Variants in FAF1 observed in about 807,000 individuals in gnomAD.
The protein encoded by FAF1 is FAS-associated factor 1.
A neutral mutation model predicts 92.5 loss-of-function variants in FAF1; 25 were observed. That is an observed-to-expected ratio of 0.27 (90% CI 0.20 to 0.38). The LOEUF (loss-of-function observed/expected upper bound fraction) is 0.38. FAF1 is among the 10% of genes least tolerant of loss of function. FAF1 has a pLI of 1.00. For synonymous variants in FAF1, 234 were observed against 273.2 expected, an observed-to-expected ratio of 0.86 and a Z score of 1.42; for missense variants, 636 against 793.3, an observed-to-expected ratio of 0.80 and a Z score of 2.38.
At chr1:50,901,558 GA>G (rs200883496) in intron 1 of FAF1, among the ~76,000 whole-genome samples, 2 of 146,934 alleles carry the variant, frequency 1.4e-5, no homozygotes, top group East Asian at 2.0e-4. Flanking sequence ...AATTTAAAAA[GA>G]AAAAAAAAAC....
At chr1:50,848,014 T>C (rs1272267083) in intron 2 of FAF1, among the ~76,000 whole-genome samples, 1 of 152,036 alleles carries the variant, frequency 6.6e-6, no homozygotes, top group Non-Finnish European at 1.5e-5. Flanking sequence ...CTTTCAAAAA[T>C]GAAGAAATAA....
chr1:50,912,081 G>A (rs1001677260), intron 1 of FAF1, among the ~76,000 whole-genome samples: 12 of 150,808 alleles, frequency 8.0e-5, no homozygotes, highest in South Asian at 4.2e-4. Context: ...GACGCACAAC[G>A]AAGCACACTA....
chr1:50,499,369 T>G (rs1469148366), intron 15 of FAF1, among the ~76,000 whole-genome samples: 4 of 151,764 alleles, frequency 2.6e-5, no homozygotes, highest in African/African-American at 9.7e-5. Flanking sequence ...TAGGGTTTTT[T>G]TTTTTTTTTT....
At chr1:50,457,460 G>T (rs914709577) in intron 18 of FAF1, among the ~76,000 whole-genome samples, 4 of 152,096 alleles carry the variant, frequency 2.6e-5, no homozygotes, top group Admixed American at 6.5e-5. Context: ...GTTTACAATG[G>T]GGTTATTATA....
intron 2 of FAF1, among the ~76,000 whole-genome samples, chr1:50,819,866 A>T (rs1202048243): frequency 6.9e-6 from 1 of 144,400 alleles, no homozygotes; most frequent in Non-Finnish European, 1.5e-5. Context: ...CTTACTAGGA[A>T]ATTTATTTAT....
chr1:50,853,472 T>C (rs890519876), intron 2 of FAF1, among the ~76,000 whole-genome samples: 5 of 152,118 alleles, frequency 3.3e-5, no homozygotes, highest in Non-Finnish European at 7.4e-5. Context: ...GGTTGAAACA[T>C]GTAGTTAAAG....
At chr1:50,535,657 T>C (rs1177940461) in intron 14 of FAF1, among the ~76,000 whole-genome samples, 200 bp from the exon 15 acceptor site, 3 of 152,200 alleles carry the variant, frequency 2.0e-5, no homozygotes, top group Non-Finnish European at 2.9e-5. Context: ...ATACTGGCAG[T>C]TGAAATTTCG....
At chr1:50,541,662 T>A (rs1572820130) in intron 13 of FAF1, among the ~76,000 whole-genome samples, 1 of 151,978 alleles carries the variant, frequency 6.6e-6, no homozygotes, top group African/African-American at 2.4e-5. Flanking sequence ...TAAGCAGATA[T>A]AACAAATTAT....
At chr1:50,697,634 C>A (rs982016882) in intron 7 of FAF1, among the ~76,000 whole-genome samples, 101 of 152,116 alleles carry the variant, frequency 6.6e-4, no homozygotes, top group African/African-American at 2.3e-3. Flanking sequence ...ACAATGCCGG[C>A]TTTGCAATGA....
At chr1:50,901,710 C>A (rs529123691) in intron 1 of FAF1, among the ~76,000 whole-genome samples, 46 of 151,992 alleles carry the variant, frequency 3.0e-4, no homozygotes, top group African/African-American at 1.1e-3. Flanking sequence ...ACAAAAAATA[C>A]AAAAATGTGT....
rs767211609 is a variant in FAF1 at position 50,567,210 on chromosome 1, G to C, written c.1135C>G (p.Leu379Val). Reference protein sequence around the residue: ...ARDRKLLAIYLHHDESVLTNV... With the variant: ...ARDRKLLAIYVHHDESVLTNV... ...GTTAACACACTTTCATCATGGTGGA[G>C]GTAGATAGCAAGAAGCTTTCTCTGA... Residue 379 changes from leucine (L) to valine (V), a missense_variant, in exon 13 of 19, where the codon CTC becomes GTC. By Grantham distance (32) the Leu-to-Val change is conservative. This residue lies in a region of FAF1 where 319 missense variants were observed against 451.0 expected (regional missense o/e 0.71). Coordinates refer to ENST00000396153, the MANE Select transcript of FAF1 (RefSeq NM_007051.3). The C allele has an allele frequency of 1.2e-6, 2 of 1,605,538 alleles. No individual in the cohort carries two copies. Among genetic ancestry groups the C allele is most frequent in the African/African-American group, 1.3e-5 (1 of 74,592 alleles).
chr1:50,653,179 A>C (rs1223359130), intron 8 of FAF1, among the ~76,000 whole-genome samples: 2 of 152,026 alleles, frequency 1.3e-5, no homozygotes, highest in African/African-American at 4.8e-5. Flanking sequence ...AAACAACAAA[A>C]AAAAAACCAC....
At chr1:50,805,347 A>T (rs1662150699) in intron 2 of FAF1, among the ~76,000 whole-genome samples, 1 of 152,200 alleles carries the variant, frequency 6.6e-6, no homozygotes, top group South Asian at 2.1e-4. Context: ...CCAGCCCCTA[A>T]ATTCTGTTTA....
chr1:50,852,705 GTTTAC>G (rs968876144), intron 2 of FAF1, among the ~76,000 whole-genome samples: 3 of 152,156 alleles, frequency 2.0e-5, no homozygotes, highest in Admixed American at 2.0e-4. Flanking sequence ...AGCTTGGACA[GTTTAC>G]TTAACTTCAT....
chr1:50,629,742 T>G (rs993305491), intron 8 of FAF1, among the ~76,000 whole-genome samples: 1 of 152,018 alleles, frequency 6.6e-6, no homozygotes, highest in African/African-American at 2.4e-5. Context: ...CCCTTCGGGA[T>G]TGATTAACGT....
At chr1:50,584,568 T>G in intron 10 of FAF1, 117 bp downstream of exon 10, 1 of 974,326 alleles carries the variant, frequency 1.0e-6, no homozygotes, top group South Asian at 1.8e-5. Context: ...CTCTCTATTA[T>G]CTTATCTCCT....
chr1:50,440,043 T>G lies in FAF1; in HGVS notation c.*1397A>C, dbSNP rs1263258204. ...GAGCAGACCTATCTCCAGCTTTGGT[T>G]AGAATCTTCTGAGAACCCCTTGGCC... On this transcript the variant is annotated 3_prime_UTR_variant, in exon 19 of 19. Coordinates refer to ENST00000396153, the MANE Select transcript of FAF1 (RefSeq NM_007051.3). 2.0e-5 allele frequency: 3 copies of G among 152,186 alleles called. No homozygotes were observed. Among genetic ancestry groups the G allele is most frequent in the African/African-American group, 4.8e-5 (2 of 41,442 alleles). 9.4% of individuals were successfully genotyped at this position (152,186 alleles called of 1,614,324 possible). A position where few individuals can be genotyped will look rare whatever the true frequency, so the allele number is the denominator to read the frequency against.
chr1:50,555,917 T>C (rs916781806), intron 13 of FAF1, among the ~76,000 whole-genome samples: 2 of 152,050 alleles, frequency 1.3e-5, no homozygotes, highest in South Asian at 2.1e-4. Context: ...CATATATATA[T>C]ATAAAATTAG....
At chr1:50,510,427 T>C (rs543704703) in intron 15 of FAF1, among the ~76,000 whole-genome samples, 3 of 152,240 alleles carry the variant, frequency 2.0e-5, no homozygotes, top group African/African-American at 7.2e-5. Flanking sequence ...GCATCATTTT[T>C]CTATAGGTAA....
Sources: allele counts gnomAD v4.1 joint callset (sites outside exome capture counted in the v4.1 genomes callset), GRCh38; gene constraint gnomAD v4.1.1; regional missense constraint gnomAD v4.1.1; transcripts MANE v1.5; gene names NCBI Gene and HGNC (gene_info 2026-07-23, HGNC 2026-07-21).